The following SLC8A1 variants were observed in gnomAD, a reference collection of about 807,000 sequenced individuals.
SLC8A1 encodes sodium/calcium exchanger 1.
A neutral mutation model predicts 68.3 loss-of-function variants in SLC8A1; 18 were observed. The observed-to-expected ratio is 0.26, with a 90% confidence interval of 0.18 to 0.39. The LOEUF is 0.39. SLC8A1 is among the 10% of genes least tolerant of loss of function. The pLI is 1.00. For missense variants in SLC8A1, 985 were observed against 1,156.7 expected, an observed-to-expected ratio of 0.85 and a Z score of 2.15; for synonymous variants, 475 against 415.5, an observed-to-expected ratio of 1.14 and a Z score of -1.74.
In SLC8A1 at chr2:40,385,777, C is replaced by T. The variant is rs532126759; in HGVS notation, c.1808+42696G>A. Among the ~76,000 whole-genome samples, 3 of 151,270 alleles carry T rather than the reference C, an allele frequency of 2.0e-5. No homozygotes were observed. In the East Asian group the frequency reaches 5.8e-4, roughly 29 times the overall value. ...AAAGGAATCTATTTTAAAACAGAAG[C>T]TTGGCAAATATAAGTGTAAAATATG... On this transcript the variant is annotated intron_variant, in intron 2 of 7. Coordinates refer to ENST00000406785, the Ensembl canonical transcript of SLC8A1.
At chr2:40,434,856 T>C (rs1403404770) in intron 1 of SLC8A1, among the ~76,000 whole-genome samples, 1 of 152,076 alleles carries the variant, frequency 6.6e-6, no homozygotes, top group Admixed American at 6.5e-5. Context: ...GTCCAGCCAG[T>C]TGTGTCGGAG....
intron 1 of SLC8A1, among the ~76,000 whole-genome samples, chr2:40,487,033 G>A (rs766910950): frequency 1.3e-5 from 2 of 151,766 alleles, no homozygotes; most frequent in Non-Finnish European, 2.9e-5. Flanking sequence ...ACACACCGGG[G>A]CTTAATATGT....
chr2:40,190,886 G>A (rs1294826311), intron 2 of SLC8A1: 2 of 152,102 alleles, frequency 1.3e-5, no homozygotes, highest in Admixed American at 1.3e-4. Flanking sequence ...ACATAGTCAT[G>A]GTATGCAGCC....
At chr2:40,504,484 T>G (rs1297115697) in intron 1 of SLC8A1, among the ~76,000 whole-genome samples, 1 of 151,966 alleles carries the variant, frequency 6.6e-6, no homozygotes, top group African/African-American at 2.4e-5. Context: ...AAAAAGCTTC[T>G]GTACAGCAAA....
At chr2:40,307,640 G>A (rs1052656291) in intron 2 of SLC8A1, among the ~76,000 whole-genome samples, 2 of 152,094 alleles carry the variant, frequency 1.3e-5, no homozygotes, top group Admixed American at 1.3e-4. Flanking sequence ...TGGCTAAAGG[G>A]GTACAGTCTC....
At chr2:40,109,195 T>A (rs1164122930) in exon 8 of SLC8A1, 1 of 152,174 alleles carries the variant, frequency 6.6e-6, no homozygotes, top group African/African-American at 2.4e-5. Context: ...TGTGAACTTT[T>A]CTACCATTTG....
chr2:40,391,331 G>A (rs544344148), intron 2 of SLC8A1, among the ~76,000 whole-genome samples: 65 of 152,036 alleles, frequency 4.3e-4, no homozygotes, highest in Middle Eastern at 6.8e-3. Flanking sequence ...ATGTTCGTGG[G>A]ACATAAAGGG....
chr2:40,278,536 G>A (rs1454028948), intron 2 of SLC8A1, among the ~76,000 whole-genome samples: 3 of 152,050 alleles, frequency 2.0e-5, no homozygotes, highest in Non-Finnish European at 2.9e-5. Context: ...AATGATAAGG[G>A]GAGAGTAGAG....
At chr2:40,190,439 T>G (rs1307173434) in intron 2 of SLC8A1, 1 of 152,228 alleles carries the variant, frequency 6.6e-6, no homozygotes, top group Non-Finnish European at 1.5e-5. Context: ...TATTTGTTTA[T>G]TCTGCCATTA....
intron 2 of SLC8A1, among the ~76,000 whole-genome samples, chr2:40,418,437 T>G (rs1694515233): frequency 6.6e-6 from 1 of 152,204 alleles, no homozygotes; most frequent in African/African-American, 2.4e-5. Context: ...ATCTTTTGTC[T>G]TTTCTCAGTA....
intron 6 of SLC8A1, among the ~76,000 whole-genome samples, chr2:40,160,066 G>T (rs2045397193): frequency 6.6e-6 from 1 of 152,142 alleles, no homozygotes; most frequent in Non-Finnish European, 1.5e-5. Flanking sequence ...CAAGGACGGG[G>T]TTGCTTTCAT....
At chr2:40,270,896 G>T (rs936606864) in intron 2 of SLC8A1, among the ~76,000 whole-genome samples, 4 of 152,126 alleles carry the variant, frequency 2.6e-5, no homozygotes, top group African/African-American at 9.7e-5. Context: ...TGTCTTTCCA[G>T]GACCCTTGAG....
chr2:40,105,582 C>G (rs990829576), exon 8 of SLC8A1: 1 of 152,192 alleles, frequency 6.6e-6, no homozygotes, highest in African/African-American at 2.4e-5. Context: ...CACCTCATCA[C>G]TAGGTCCAAT....
intron 4 of SLC8A1, among the ~76,000 whole-genome samples, chr2:40,165,684 TACTC>T (rs928778984): frequency 3.9e-5 from 6 of 152,150 alleles, no homozygotes; most frequent in African/African-American, 1.4e-4. Flanking sequence ...GGAGTTAAAA[TACTC>T]ACTCACCATG....
At chr2:40,236,892 T>G (rs907794264) in intron 2 of SLC8A1, among the ~76,000 whole-genome samples, 1 of 151,932 alleles carries the variant, frequency 6.6e-6, no homozygotes, top group African/African-American at 2.4e-5. Context: ...AATTCTGGGT[T>G]GAAAATTCTT....
chr2:40,206,292 A>G (rs1327465287), intron 2 of SLC8A1, among the ~76,000 whole-genome samples: 1 of 152,054 alleles, frequency 6.6e-6, no homozygotes, highest in East Asian at 1.9e-4. Context: ...CTCAACTTCT[A>G]GAATCAAAAG....
chr2:40,506,401 G>C (rs1263687028), intron 1 of SLC8A1, among the ~76,000 whole-genome samples: 3 of 151,938 alleles, frequency 2.0e-5, no homozygotes, highest in Admixed American at 2.0e-4. Flanking sequence ...TTCCCCAAAA[G>C]AGCATGGACT....
intron 4 of SLC8A1, 25 bp from the exon 8 acceptor site, chr2:40,165,009 T>C: frequency 1.9e-6 from 3 of 1,612,892 alleles, no homozygotes; most frequent in Non-Finnish European, 2.5e-6. Flanking sequence ...TATCAGAGAG[T>C]GAGCACTGTG....
At chr2:40,345,039 T>C (rs1668822881) in intron 2 of SLC8A1, among the ~76,000 whole-genome samples, 1 of 152,222 alleles carries the variant, frequency 6.6e-6, no homozygotes, top group Non-Finnish European at 1.5e-5. Flanking sequence ...CTATAAGCCA[T>C]GGATTTTCTA....
Sources: gnomAD v4.1 joint callset for allele counts (sites outside exome capture counted in the v4.1 genomes callset) on GRCh38, gnomAD v4.1.1 for gene constraint, MANE v1.5 for transcripts, NCBI Gene and HGNC (gene_info 2026-07-23, HGNC 2026-07-21) for gene names.